Variants in NUTM2B observed in about 807,000 individuals in gnomAD.
NUTM2B encodes NUT family member 2B.
Under a neutral mutation model 42.4 loss-of-function variants are expected in NUTM2B, and 2 were observed. The observed-to-expected ratio is 0.05, with a 90% CI of 0.02 to 0.15. The LOEUF (loss-of-function observed/expected upper bound fraction) is 0.15, where lower values mean the gene tolerates loss of function less well. Among genes scored for constraint, NUTM2B ranks in the 10% least tolerant of loss-of-function variants. The probability of loss-of-function intolerance (pLI) is 1.00; values close to 1 mark genes in which losing one functional copy is unlikely to be tolerated. For synonymous variants in NUTM2B, 18 were observed against 402.4 expected, an observed-to-expected ratio of 0.04 and a Z score of 11.43; for missense variants, 58 against 952.6, an observed-to-expected ratio of 0.06 and a Z score of 12.36.
intron 5 of NUTM2B, 140 bp downstream of exon 5, chr10:79,710,904 GTGTC>G: frequency 7.7e-7 from 1 of 1,304,598 alleles, no homozygotes; most frequent in Non-Finnish European, 1.0e-6. Flanking sequence ...GTGATTGTGT[GTGTC>G]TGTGTGTTGC....
the NUTM2B span, among the ~76,000 whole-genome samples, chr10:79,694,276 A>G: frequency 2.0e-5 from 3 of 152,090 alleles, no homozygotes; most frequent in Non-Finnish European, 4.4e-5. Context: ...GCATGCCTGT[A>G]ATCCCAGCTA....
chr10:79,701,073 C>G (rs935419856), upstream of NUTM2B, among the ~76,000 whole-genome samples: 17 of 152,146 alleles, frequency 1.1e-4, no homozygotes, highest in Admixed American at 9.8e-4. Flanking sequence ...AGCAAAGTAT[C>G]CTCAAATTGC....
the NUTM2B span, among the ~76,000 whole-genome samples, chr10:79,695,519 C>T: frequency 6.6e-6 from 1 of 152,190 alleles, no homozygotes; most frequent in Non-Finnish European, 1.5e-5. Context: ...CTCAGGTTCC[C>T]ATGGGGACAG....
chr10:79,699,825 TTAAA>T (rs1329902916), upstream of NUTM2B, among the ~76,000 whole-genome samples: 5 of 152,100 alleles, frequency 3.3e-5, no homozygotes, highest in African/African-American at 1.2e-4. Context: ...TTCTCACCAA[TTAAA>T]TACATATCAA....
chr10:79,711,879 T>G, exon 7 of NUTM2B: 2 of 1,506,080 alleles, frequency 1.3e-6, no homozygotes, highest in Non-Finnish European at 1.8e-6. Context: ...CCCAGATGAC[T>G]GCCCGGGACT....
chr10:79,692,581 T>C, the NUTM2B span, among the ~76,000 whole-genome samples: 1 of 152,178 alleles, frequency 6.6e-6, no homozygotes, highest in Non-Finnish European at 1.5e-5. Flanking sequence ...CAGTTACATC[T>C]TCTGGCAATG....
At chr10:79,699,651 C>T (rs1438938050), upstream of NUTM2B, among the ~76,000 whole-genome samples, 1 of 152,208 alleles carries the variant, frequency 6.6e-6, no homozygotes, top group African/African-American at 2.4e-5. Flanking sequence ...CCATGTTGGT[C>T]AGGCTGGTCT....
chr10:79,701,222 C>CTT (rs1163809498), upstream of NUTM2B, among the ~76,000 whole-genome samples: 1 of 152,174 alleles, frequency 6.6e-6, no homozygotes, highest in Non-Finnish European at 1.5e-5. Context: ...TCTGAAAACA[C>CTT]ACTCCAAAAT....
At chr10:79,699,049 G>A (rs1840269171), upstream of NUTM2B, among the ~76,000 whole-genome samples, 1 of 151,994 alleles carries the variant, frequency 6.6e-6, no homozygotes, top group Non-Finnish European at 1.5e-5. Context: ...TCCCCCAGTA[G>A]ACATGGATCT....
At chr10:79,705,277 A>C (rs986045308) in intron 1 of NUTM2B, among the ~76,000 whole-genome samples, 1 of 148,540 alleles carries the variant, frequency 6.7e-6, no homozygotes, top group African/African-American at 2.5e-5. Context: ...TTTGCTGGCT[A>C]TGCAGTGACA....
At chr10:79,695,700 G>C in the NUTM2B span, among the ~76,000 whole-genome samples, 3 of 151,996 alleles carry the variant, frequency 2.0e-5, no homozygotes, top group Non-Finnish European at 4.4e-5. Flanking sequence ...AGGGACATCA[G>C]GACTGAGAGA....
At chr10:79,696,901 T>C in the NUTM2B span, among the ~76,000 whole-genome samples, 3 of 145,250 alleles carry the variant, frequency 2.1e-5, no homozygotes, top group African/African-American at 7.7e-5. Flanking sequence ...TGTCAGTCAA[T>C]GCTGTCTCAC....
intron 6 of NUTM2B, 73 bp from the exon 7 acceptor site, chr10:79,711,627 C>T: frequency 6.3e-7 from 1 of 1,576,724 alleles, no homozygotes; most frequent in Admixed American, 1.7e-5. Flanking sequence ...CGCCTAAGTG[C>T]CCTGGTCTCC....
chr10:79,697,562 T>C, the NUTM2B span, among the ~76,000 whole-genome samples: 1 of 150,528 alleles, frequency 6.6e-6, no homozygotes, highest in Non-Finnish European at 1.5e-5. Context: ...AGATAATACC[T>C]CTCTTTGTTC....
chr10:79,707,696 C>T lies in NUTM2B; in HGVS notation c.1082+955C>T, dbSNP rs878905504. 4.8e-4 allele frequency among the ~76,000 whole-genome samples: 52 copies of T among 108,284 alleles called. No homozygotes were observed. The South Asian group carries it at 6.4e-3, about 13-fold the overall frequency. The allele number at this position is 108,284 out of a possible 152,430, so 71.0% of individuals were successfully genotyped here. A position where few individuals can be genotyped will look rare whatever the true frequency, so the allele number is the denominator to read the frequency against. On this transcript the variant is annotated intron_variant, in intron 2 of 6. Coordinates refer to ENST00000429828, the Ensembl canonical transcript of NUTM2B. Reference sequence around the variant, plus strand: ...CACATCCACCGTGCAACACACTGGCCGTTCCCCTAGGGAAGTCCCCTGCCT... The same window carrying T: ...CACATCCACCGTGCAACACACTGGCTGTTCCCCTAGGGAAGTCCCCTGCCT...
At chr10:79,696,545 G>C in the NUTM2B span, among the ~76,000 whole-genome samples, 1 of 151,672 alleles carries the variant, frequency 6.6e-6, no homozygotes, top group Non-Finnish European at 1.5e-5. Flanking sequence ...TCCATTAAAG[G>C]AGAACAACCT....
the NUTM2B span, among the ~76,000 whole-genome samples, chr10:79,692,619 A>C: frequency 2.0e-5 from 3 of 152,138 alleles, no homozygotes; most frequent in Admixed American, 2.0e-4. Flanking sequence ...AGGGGTCCTC[A>C]TGGGGGAGGA....
chr10:79,708,969 C>G, intron 3 of NUTM2B, 142 bp downstream of exon 3: 2 of 1,290,804 alleles, frequency 1.5e-6, no homozygotes, highest in Non-Finnish European at 2.0e-6. Context: ...CTGGCTCCCT[C>G]AGGAAGCTGC....
intron 1 of NUTM2B, among the ~76,000 whole-genome samples, chr10:79,705,659 TG>T (rs1431493577): frequency 1.4e-5 from 2 of 138,928 alleles, no homozygotes; most frequent in African/African-American, 2.7e-5. Flanking sequence ...AGCACTGCCC[TG>T]GGGTAGGCCC....
Sources: allele counts gnomAD v4.1 joint callset (sites outside exome capture counted in the v4.1 genomes callset), GRCh38; gene constraint gnomAD v4.1.1; transcripts MANE v1.5; gene names NCBI Gene and HGNC (gene_info 2026-07-23, HGNC 2026-07-21).